TBC1D24: variants seen among roughly 807,000 people sequenced by gnomAD.
TBC1D24 encodes TBC1 domain family member 24, also known as Infantile myoclonic epilepsy.
Under a neutral mutation model 50.7 loss-of-function variants are expected in TBC1D24, and 47 were observed. The observed-to-expected ratio is 0.93, with a 90% CI of 0.73 to 1.18. The LOEUF (loss-of-function observed/expected upper bound fraction) is 1.18, where lower values mean the gene tolerates loss of function less well. Ranked by LOEUF, TBC1D24 falls within the 50% of genes most tolerant of loss-of-function variation. The pLI is 0.00. For missense variants in TBC1D24, 688 were observed against 766.5 expected (o/e 0.90, Z 1.21); for synonymous variants, 324 against 335.2 (o/e 0.97, Z 0.36).
At chr16:2,489,709 G>A (rs566691229) in intron 1 of TBC1D24, among the ~76,000 whole-genome samples, 60 of 152,294 alleles carry the variant, frequency 3.9e-4, no homozygotes, top group African/African-American at 1.3e-3. Flanking sequence ...GACCGGCTGC[G>A]TGTTGACCCG....
chr16:2,478,327 C>T (rs990171379), intron 1 of TBC1D24: 1 of 152,294 alleles, frequency 6.6e-6, no homozygotes, highest in African/African-American at 2.4e-5. Context: ...GAGAGCAAGA[C>T]TCTGAGACAA....
At position 2,502,455 on chromosome 16, in the gene TBC1D24, C is replaced by G. The variant is rs2065802054; in HGVS notation, c.*1497C>G. 1 of 152,350 alleles carries G rather than the reference C, an allele frequency of 6.6e-6. No individual in the cohort carries two copies. The highest frequency in any genetic ancestry group is 6.5e-5 in the Admixed American group (1 of 15,274). The allele number at this position is 152,350 out of a possible 1,614,324, so 9.4% of individuals were successfully genotyped here. A position where few individuals can be genotyped will look rare whatever the true frequency, so the allele number is the denominator to read the frequency against. Reference sequence around the variant, plus strand: ...GCCTCCAGCCAGTGCCACTTGGAGTCCCCTGCACCGTGCCACTTTCCATCC... The same window carrying G: ...GCCTCCAGCCAGTGCCACTTGGAGTGCCCTGCACCGTGCCACTTTCCATCC... On this transcript the variant is annotated 3_prime_UTR_variant, in exon 8 of 8. Transcript: ENST00000646147.
Position 2,496,334 on chromosome 16 carries a change from T to A in TBC1D24, c.186T>A (p.Ile62=), listed in dbSNP as rs1027865124. ...GKVYQRLIRD[I]PCRTVTPDAS... ...TGTACCAGCGCCTGATCCGGGACAT[T>A]CCCTGCCGCACGGTCACGCCTGACG... The change falls in exon 2 of 8, where the codon ATT becomes ATA. Residue 62 remains isoleucine, a synonymous_variant. Transcript: ENST00000646147. 6.2e-7 allele frequency: 1 copy of A among 1,613,562 alleles called. No homozygotes were observed. Among genetic ancestry groups the A allele is most frequent in the Non-Finnish European group, 8.5e-7 (1 of 1,180,010 alleles).
rs770899419 is a variant in TBC1D24 at position 2,498,384 on chromosome 16, A to G, written c.1130A>G (p.Tyr377Cys). 6.2e-7 allele frequency: 1 copy of G among 1,606,144 alleles called. No individual in the cohort carries two copies. Among genetic ancestry groups the G allele is most frequent in the South Asian group, 1.1e-5 (1 of 89,592 alleles). ...LLLFSSLQHG[Y>C]SLARFYFQCE... ...CTGTTCTCCTCCCTGCAGCACGGGT[A>G]CAGCCTGGCCAGGTAACACCCCAAG... Residue 377 changes from tyrosine (Y) to cysteine (C), a missense_variant, in exon 4 of 8, where the codon TAC becomes TGC. Tyr to Cys is a radical substitution (Grantham distance 194). Coordinates refer to ENST00000646147, the MANE Select transcript of TBC1D24 (RefSeq NM_001199107.2).
rs1038891543 is a variant in TBC1D24, at chr16:2,485,512, G to T, written c.-116+10342G>T. The T allele has an allele frequency of 6.6e-6, 1 of 152,242 alleles. No homozygotes were observed. The highest frequency in any genetic ancestry group is 2.4e-5 in the African/African-American group (1 of 41,458). The allele number at this position is 152,242 out of a possible 1,614,324, so 9.4% of individuals were successfully genotyped here. On this transcript the variant is annotated intron_variant, in intron 1 of 7. Transcript: ENST00000646147. This position sits in a 1 kb window ranked among gnomAD's most constrained non-coding sequence, Gnocchi z 4.6. ...CAACCTTTATAATAAACTAGTGAATGTAAGTGTTTCCCTGAGTTCTGTGAG... is the reference window on the plus strand; with the variant it reads ...CAACCTTTATAATAAACTAGTGAATTTAAGTGTTTCCCTGAGTTCTGTGAG...
rs1163660308 is a variant in TBC1D24 at position 2,486,479 on chromosome 16, G to C, written c.-115-9555G>C. Among the ~76,000 whole-genome samples, 3 of 152,252 alleles carry C rather than the reference G, an allele frequency of 2.0e-5. No homozygotes were observed. Among genetic ancestry groups the C allele is most frequent in the African/African-American group, 7.2e-5 (3 of 41,458 alleles). ...CGTCCTTGATAGCTTGTCAGCTGCTGGGACGGGGGCTGTTCTTGTGGCCAG... is the reference window on the plus strand; with the variant it reads ...CGTCCTTGATAGCTTGTCAGCTGCTCGGACGGGGGCTGTTCTTGTGGCCAG... On this transcript the variant is annotated intron_variant, in intron 1 of 7. Transcript: ENST00000646147. This position sits in a 1 kb window ranked among gnomAD's most constrained non-coding sequence, Gnocchi z 5.8.
chr16:2,493,450 A>C (rs2065712947), intron 1 of TBC1D24: 1 of 152,120 alleles, frequency 6.6e-6, no homozygotes, highest in South Asian at 2.1e-4. Context: ...AACATGGTAA[A>C]TTTTATGCTA....
chr16:2,490,451 G>A (rs1263845468), intron 1 of TBC1D24, among the ~76,000 whole-genome samples: 1 of 152,162 alleles, frequency 6.6e-6, no homozygotes, highest in Non-Finnish European at 1.5e-5. Context: ...CGATTCGCTC[G>A]GACCCCAGAG....
In TBC1D24 at chr16:2,496,500, C is replaced by G. The variant is rs764435825; in HGVS notation, c.352C>G (p.Leu118Val). Residue 118 changes from leucine (L) to valine (V), a missense_variant, in exon 2 of 8, where the codon CTC becomes GTC. Leu to Val is a conservative substitution (Grantham distance 32). Transcript: ENST00000646147. ...ARGEGAVRKI[L>V]LCLANQFPDI... Reference sequence around the variant, plus strand: ...CGGCGAGGGGGCCGTGCGCAAGATCCTCCTGTGCCTGGCCAACCAGTTCCC... The same window carrying G: ...CGGCGAGGGGGCCGTGCGCAAGATCGTCCTGTGCCTGGCCAACCAGTTCCC... 6.2e-7 allele frequency: 1 copy of G among 1,609,574 alleles called. No homozygotes were observed. Among genetic ancestry groups the G allele is most frequent in the Non-Finnish European group, 8.5e-7 (1 of 1,179,944 alleles).
At chr16:2,478,595 G>C (rs1475381492) in intron 1 of TBC1D24, 1 of 152,336 alleles carries the variant, frequency 6.6e-6, no homozygotes, top group Non-Finnish European at 1.5e-5. Flanking sequence ...CTTCCCAGGA[G>C]AATGTGCAGA....
At chr16:2,490,543 G>A (rs900265254) in intron 1 of TBC1D24, among the ~76,000 whole-genome samples, 3 of 152,206 alleles carry the variant, frequency 2.0e-5, no homozygotes, top group African/African-American at 4.8e-5. Context: ...GCCTGAACCC[G>A]GAGAGAGAGT....
At chr16:2,490,418 A>C (rs1271782129) in intron 1 of TBC1D24, among the ~76,000 whole-genome samples, 1 of 152,192 alleles carries the variant, frequency 6.6e-6, no homozygotes, top group African/African-American at 2.4e-5. Context: ...AGGTGAAGGC[A>C]GTGCAGTGTT....
rs780393903 is a variant in TBC1D24 at position 2,502,368 on chromosome 16, C to T, written c.*1410C>T. On this transcript the variant is annotated 3_prime_UTR_variant, in exon 8 of 8. Transcript: ENST00000646147. ...GAGGCCCAAGTGGCTGTTCTGGGACCATGGAAGCCTGGGTCACAGAGGCAG... is the reference window on the plus strand; with the variant it reads ...GAGGCCCAAGTGGCTGTTCTGGGACTATGGAAGCCTGGGTCACAGAGGCAG... The T allele has an allele frequency of 5.9e-5, 9 of 152,482 alleles. No homozygotes were observed. Among genetic ancestry groups the T allele is most frequent in the Non-Finnish European group, 1.0e-4 (7 of 68,242 alleles). 9.4% of individuals were successfully genotyped at this position (152,482 alleles called of 1,614,324 possible). A position where few individuals can be genotyped will look rare whatever the true frequency, so the allele number is the denominator to read the frequency against.
At position 2,497,700 on chromosome 16, in the gene TBC1D24, T is replaced by C. The variant is rs1217245218; in HGVS notation, c.966-10T>C. The C allele has an allele frequency of 6.5e-7, 1 of 1,535,980 alleles. No homozygotes were observed. Among genetic ancestry groups the C allele is most frequent in the Non-Finnish European group, 8.7e-7 (1 of 1,146,810 alleles). ...CTTCTCCATGTCCGTTGCTTTCTCC[T>C]GTTTTTCAGTGTGTCACTTTCTAAA... On this transcript the variant is annotated splice_polypyrimidine_tract_variant and intron_variant, in intron 2 of 7. Transcript: ENST00000646147.
Position 2,496,715 on chromosome 16 carries a change from GT to G in TBC1D24, c.568del (p.Tyr190ThrfsTer8). ...TGACGTTTGGGGACCTGGTGAACAA[GT>G]ACTGCCAGGCGGCCCACAAGCTGAT... ...CMTFGDLVNK[Y>X]CQAAHKLMVA... On this transcript the variant is annotated frameshift_variant, in exon 2 of 8. Transcript: ENST00000646147. LOFTEE classifies it high-confidence loss of function. 1 of 1,613,688 alleles carries G rather than the reference GT, an allele frequency of 6.2e-7. No individual in the cohort carries two copies. Among genetic ancestry groups the G allele is most frequent in the Non-Finnish European group, 8.5e-7 (1 of 1,180,036 alleles).
intron 3 of TBC1D24, 26 bp downstream of exon 3, chr16:2,497,753 C>A (rs1450337315): frequency 6.5e-7 from 1 of 1,535,662 alleles, no homozygotes. Flanking sequence ...TATCTGCACA[C>A]CTGGCCTCTG....
rs187285832 is a variant in TBC1D24 at position 2,488,941 on chromosome 16, G to A, written c.-115-7093G>A. 2.6e-3 allele frequency among the ~76,000 whole-genome samples: 395 copies of A among 150,560 alleles called. 3 individuals carry two copies. The highest frequency in any genetic ancestry group is 9.1e-3 in the African/African-American group (372 of 41,000). ...AAAAATTAGCTGAGCGTGGTGGCGC[G>A]TGCCTGTAGTCCCAGCTACTTGGGA... On this transcript the variant is annotated intron_variant, in intron 1 of 7. Coordinates refer to ENST00000646147, the MANE Select transcript of TBC1D24 (RefSeq NM_001199107.2).
At chr16:2,498,691 G>A (rs887576741) in intron 4 of TBC1D24, among the ~76,000 whole-genome samples, 1 of 152,158 alleles carries the variant, frequency 6.6e-6, no homozygotes, top group Non-Finnish European at 1.5e-5. Context: ...CATGTGGGCG[G>A]CAGGTCCTGG....
chr16:2,495,981 TA>T, intron 1 of TBC1D24, 52 bp from the exon 2 acceptor site: 1 of 876,656 alleles, frequency 1.1e-6, no homozygotes, highest in Non-Finnish European at 1.8e-6. Context: ...ATACGTTCTT[TA>T]AAATGTGAAC....
Sources: allele counts gnomAD v4.1 joint callset (sites outside exome capture counted in the v4.1 genomes callset), GRCh38; gene constraint gnomAD v4.1.1; non-coding constraint Gnocchi (gnomAD v3.1); transcripts MANE v1.5; gene names NCBI Gene and HGNC (gene_info 2026-07-23, HGNC 2026-07-21).